AKT3: variants seen among roughly 807,000 people sequenced by gnomAD.
The protein encoded by AKT3 is AKT serine/threonine kinase 3, also known as RAC-gamma serine/threonine-protein kinase.
AKT3 carries 15 observed loss-of-function variants against 65.3 expected under a neutral mutation model. That is an observed-to-expected ratio of 0.23 (90% CI 0.15 to 0.35). The LOEUF is 0.35. AKT3 is among the 10% of genes least tolerant of loss of function. The pLI, the probability that AKT3 is intolerant of heterozygous loss-of-function variation, is 1.00. For synonymous variants in AKT3, 206 were observed against 183.8 expected (o/e 1.12, Z -0.98); for missense variants, 243 against 576.5 (o/e 0.42, Z 5.92).
At chr1:243,644,967 G>A (rs1257149852) in intron 5 of AKT3, among the ~76,000 whole-genome samples, 1 of 152,162 alleles carries the variant, frequency 6.6e-6, no homozygotes, top group Non-Finnish European at 1.5e-5. Context: ...AGGGATCTCA[G>A]ACATTTGGCC....
chr1:243,833,710 A>T (rs532503304), intron 2 of AKT3, among the ~76,000 whole-genome samples: 25 of 150,200 alleles, frequency 1.7e-4, no homozygotes, highest in Non-Finnish European at 2.2e-4. Flanking sequence ...TTAAAATGAT[A>T]AAAAAACCAC....
chr1:243,595,564 A>T (rs915733176), intron 8 of AKT3, among the ~76,000 whole-genome samples: 12 of 152,322 alleles, frequency 7.9e-5, no homozygotes, highest in African/African-American at 2.9e-4. Flanking sequence ...GTACAGCTAT[A>T]CAAAAATATT....
chr1:243,664,061 C>T (rs1314065540), intron 4 of AKT3, among the ~76,000 whole-genome samples: 1 of 151,890 alleles, frequency 6.6e-6, no homozygotes, highest in African/African-American at 2.4e-5. Flanking sequence ...CAGACAGCCA[C>T]TTACAACTAA....
intron 2 of AKT3, among the ~76,000 whole-genome samples, chr1:243,743,608 A>G (rs1688298477): frequency 6.6e-6 from 1 of 152,240 alleles, no homozygotes; most frequent in African/African-American, 2.4e-5. Context: ...TTAACATAGG[A>G]AAGTTTAATA....
At chr1:243,713,755 A>T (rs1468842518) in intron 2 of AKT3, among the ~76,000 whole-genome samples, 1 of 138,850 alleles carries the variant, frequency 7.2e-6, no homozygotes, top group Non-Finnish European at 1.6e-5. Context: ...ATAAAAAAAA[A>T]AAAAAAAAAA....
chr1:243,787,030 G>C (rs1691308894), intron 2 of AKT3, among the ~76,000 whole-genome samples: 1 of 152,180 alleles, frequency 6.6e-6, no homozygotes, highest in Non-Finnish European at 1.5e-5. Context: ...GTAGGAGTGG[G>C]AAACACAGAA....
chr1:243,572,127 G>A (rs1674605878), intron 9 of AKT3, among the ~76,000 whole-genome samples: 2 of 151,988 alleles, frequency 1.3e-5, no homozygotes, highest in African/African-American at 2.4e-5. Flanking sequence ...CTTTAATGTC[G>A]CCAACCTAAT....
Position 243,812,331 on chromosome 1 carries a change from A to C in AKT3, c.46+30794T>G, listed in dbSNP as rs1341639477. 2.0e-5 allele frequency among the ~76,000 whole-genome samples: 3 copies of C among 152,312 alleles called. No individual in the cohort carries two copies. In the East Asian group the frequency reaches 5.8e-4, roughly 29 times the overall value. ...GAACTCAAACAAATTTACAAGAAAA[A>C]AACAAACAACCCCATCAACAAGTGG... On this transcript the variant is annotated intron_variant, in intron 2 of 13. Coordinates refer to ENST00000673466, the MANE Select transcript of AKT3 (RefSeq NM_005465.7).
At chr1:243,647,764 A>G (rs1412072301) in intron 4 of AKT3, among the ~76,000 whole-genome samples, 1 of 152,186 alleles carries the variant, frequency 6.6e-6, no homozygotes. Context: ...TTATTGCCCT[A>G]GATCAGACCT....
intron 13 of AKT3, among the ~76,000 whole-genome samples, chr1:243,492,602 CTGT>C (rs1213511547): frequency 9.0e-6 from 1 of 111,330 alleles, no homozygotes; most frequent in Admixed American, 1.1e-4. Flanking sequence ...CTGCGCCCAG[CTGT>C]TTTTTTTTTT....
At chr1:243,850,614 G>A (rs1231660890), upstream of AKT3, among the ~76,000 whole-genome samples, 1 of 150,340 alleles carries the variant, frequency 6.7e-6, no homozygotes, top group East Asian at 2.0e-4. Flanking sequence ...CGCGGGGCTT[G>A]TTGTTGACTT....
intron 2 of AKT3, among the ~76,000 whole-genome samples, chr1:243,750,385 C>T (rs1355810950): frequency 6.8e-6 from 1 of 146,884 alleles, no homozygotes; most frequent in Non-Finnish European, 1.5e-5. Flanking sequence ...CACCTTCTCT[C>T]CCCTCTCACA....
chr1:243,780,755 T>C (rs1384648854), intron 2 of AKT3, among the ~76,000 whole-genome samples: 3 of 151,960 alleles, frequency 2.0e-5, no homozygotes, highest in Admixed American at 6.6e-5. Context: ...GGCTGAATTA[T>C]GTCAAGATAA....
intron 5 of AKT3, among the ~76,000 whole-genome samples, chr1:243,638,514 A>C (rs956982639): frequency 6.6e-6 from 1 of 152,078 alleles, no homozygotes; most frequent in African/African-American, 2.4e-5. Flanking sequence ...TTTTGAAGGC[A>C]TTTGTGCCCT....
At chr1:243,597,406 T>C (rs1187304959) in intron 8 of AKT3, among the ~76,000 whole-genome samples, 1 of 152,216 alleles carries the variant, frequency 6.6e-6, no homozygotes, top group Non-Finnish European at 1.5e-5. Context: ...TATTTCTAGA[T>C]GGTAAGATTT....
intron 2 of AKT3, among the ~76,000 whole-genome samples, chr1:243,713,268 G>A (rs1430217085): frequency 6.6e-6 from 1 of 152,124 alleles, no homozygotes; most frequent in African/African-American, 2.4e-5. Flanking sequence ...TCAACACGGA[G>A]AAATAAGAAA....
intron 9 of AKT3, among the ~76,000 whole-genome samples, chr1:243,565,764 C>T (rs1265435660): frequency 1.3e-5 from 2 of 152,114 alleles, no homozygotes; most frequent in African/African-American, 4.8e-5. Context: ...CTCTCTTCTT[C>T]CTCCCTCCCA....
intron 2 of AKT3, among the ~76,000 whole-genome samples, chr1:243,840,218 T>C (rs1279757180): frequency 6.6e-6 from 1 of 151,798 alleles, no homozygotes; most frequent in East Asian, 1.9e-4. Context: ...CCAGGAAAAA[T>C]AGCCACAGTC....
intron 2 of AKT3, among the ~76,000 whole-genome samples, chr1:243,829,885 C>T (rs1311878652): frequency 6.6e-6 from 1 of 152,156 alleles, no homozygotes; most frequent in African/African-American, 2.4e-5. Context: ...GCACCGAAGG[C>T]CCCTACAGTG....
Sources: gnomAD v4.1 joint callset for allele counts (sites outside exome capture counted in the v4.1 genomes callset) on GRCh38, gnomAD v4.1.1 for gene constraint, MANE v1.5 for transcripts, NCBI Gene and HGNC (gene_info 2026-07-23, HGNC 2026-07-21) for gene names.